ATP2C2: variants seen among roughly 807,000 people sequenced by gnomAD.
The protein encoded by ATP2C2 is calcium-transporting ATPase type 2C member 2.
ATP2C2 carries 171 observed loss-of-function variants against 110.8 expected under a neutral mutation model. The observed-to-expected ratio is 1.54, with a 90% confidence interval of 1.36 to 1.75. The LOEUF is 1.75. ATP2C2 is among the 40% of genes most tolerant of loss of function. The pLI, the probability that ATP2C2 is intolerant of heterozygous loss-of-function variation, is 0.00. For missense variants in ATP2C2, 1,963 were observed against 1,235.0 expected, an observed-to-expected ratio of 1.59 and a Z score of -8.84; for synonymous variants, 804 against 508.4, an observed-to-expected ratio of 1.58 and a Z score of -7.82.
At position 84,422,497 on chromosome 16, in the gene ATP2C2, C is replaced by G. The variant is rs533777907; in HGVS notation, c.732C>G (p.Asn244Lys). 6.2e-7 allele frequency: 1 copy of G among 1,614,152 alleles called. No individual in the cohort carries two copies. The highest frequency in any genetic ancestry group is 1.3e-5 in the African/African-American group (1 of 75,022). ...GTGGGGACCTCACCACCCTCAGCAA[C>G]ATCGTCTTCATGGGGACCCTGGTGC... ...TGGGDLTTLS[N>K]IVFMGTLVQY... The change falls in exon 8 of 27, where the codon AAC becomes AAG. Residue 244 changes from asparagine (N) to lysine (K), a missense_variant. Transcript: ENST00000262429.
chr16:84,371,365 C>G (rs989330910), intron 1 of ATP2C2, among the ~76,000 whole-genome samples: 3 of 152,024 alleles, frequency 2.0e-5, no homozygotes, highest in Non-Finnish European at 4.4e-5. Context: ...AAAAATTAGG[C>G]GTGGTGGTGT....
intron 1 of ATP2C2, among the ~76,000 whole-genome samples, chr16:84,384,085 A>C (rs1904292767): frequency 6.6e-6 from 1 of 152,108 alleles, no homozygotes; most frequent in Non-Finnish European, 1.5e-5. Context: ...CACTGTGCCC[A>C]GCCTATTTTC....
rs541725094 is a variant in ATP2C2, at chr16:84,370,258, G to A, written c.99+1544G>A. Among the ~76,000 whole-genome samples the A allele has an allele frequency of 6.6e-5, 10 of 152,302 alleles. No homozygotes were observed. In the South Asian group the frequency reaches 8.3e-4, roughly 13 times the overall value. On this transcript the variant is annotated intron_variant, in intron 1 of 26. Transcript: ENST00000262429. Reference sequence around the variant, plus strand: ...TCAGAGGTCTGACAGGTGTTCAGCCGGTCTGTCAGTGTGCTCTCCCACCTG... The same window carrying A: ...TCAGAGGTCTGACAGGTGTTCAGCCAGTCTGTCAGTGTGCTCTCCCACCTG...
intron 6 of ATP2C2, among the ~76,000 whole-genome samples, chr16:84,411,780 T>G (rs376576866): frequency 6.6e-6 from 1 of 152,196 alleles, no homozygotes; most frequent in Non-Finnish European, 1.5e-5. Context: ...TTTTAATTTT[T>G]ATTTAAATAT....
At chr16:84,374,637 G>C (rs1313207314) in intron 1 of ATP2C2, among the ~76,000 whole-genome samples, 1 of 152,048 alleles carries the variant, frequency 6.6e-6, no homozygotes, top group Non-Finnish European at 1.5e-5. Flanking sequence ...TTGCTGCTTG[G>C]TGGCCATCAT....
In ATP2C2 at chr16:84,444,185, CAAA is replaced by C. The variant is rs1257846309; in HGVS notation, c.1401+1589_1401+1591del. On this transcript the variant is annotated intron_variant, in intron 15 of 26. Coordinates refer to ENST00000262429, the MANE Select transcript of ATP2C2 (RefSeq NM_014861.4). ...CTCAAAAAAAAAAAAAAAAAAAAAA[CAAA>C]AAGATTGGGCACAGTGGCTCACACC... Among the ~76,000 whole-genome samples, 67 of 113,422 alleles carry C rather than the reference CAAA, an allele frequency of 5.9e-4. 1 individual carries two copies. The highest frequency in any genetic ancestry group is 1.1e-3 in the South Asian group (4 of 3,518). The allele number at this position is 113,422 out of a possible 152,430, so 74.4% of individuals were successfully genotyped here.
intron 15 of ATP2C2, among the ~76,000 whole-genome samples, chr16:84,446,102 G>A (rs1183768587): frequency 1.3e-5 from 2 of 151,780 alleles, no homozygotes; most frequent in Non-Finnish European, 2.9e-5. Flanking sequence ...TCAGATAGAA[G>A]CTGTTGCAAA....
intron 1 of ATP2C2, among the ~76,000 whole-genome samples, chr16:84,379,638 GT>G (rs1190767732): frequency 2.0e-5 from 3 of 152,190 alleles, no homozygotes; most frequent in Non-Finnish European, 4.4e-5. Context: ...TCGCCGGGGG[GT>G]TCTGAGGCTC....
intron 15 of ATP2C2, among the ~76,000 whole-genome samples, 153 bp downstream of exon 15, chr16:84,442,752 TG>T (rs1375760969): frequency 6.6e-6 from 1 of 151,848 alleles, no homozygotes; most frequent in Non-Finnish European, 1.5e-5. Context: ...CATCTGTTGG[TG>T]GTGGAGGAGG....
chr16:84,446,242 G>C, intron 15 of ATP2C2, 87 bp from the exon 16 acceptor site: 2 of 708,466 alleles, frequency 2.8e-6, no homozygotes, highest in South Asian at 6.8e-5. Context: ...GAGGTGGTTT[G>C]AACAATGAAT....
chr16:84,377,772 G>A (rs1910334062), intron 1 of ATP2C2, among the ~76,000 whole-genome samples: 1 of 152,114 alleles, frequency 6.6e-6, no homozygotes, highest in African/African-American at 2.4e-5. Context: ...CATGTTCTGT[G>A]TAGAAATTGA....
Position 84,439,257 on chromosome 16 carries a change from A to T in ATP2C2, c.1078A>T (p.Ile360Phe). The T allele has an allele frequency of 6.2e-7, 1 of 1,612,560 alleles. No homozygotes were observed. The highest frequency in any genetic ancestry group is 2.2e-5 in the East Asian group (1 of 44,878). The change falls in exon 12 of 27, where the codon ATC becomes TTC. Residue 360 changes from isoleucine (I) to phenylalanine (F), a missense_variant. Physicochemically the swap from Ile to Phe is conservative, Grantham distance 21. Coordinates refer to ENST00000262429, the MANE Select transcript of ATP2C2 (RefSeq NM_014861.4). ...GVLRMAKKRV[I>F]VKKLPIVETL... ...GCTGCGGATGGCCAAGAAGCGGGTC[A>T]TCGTGAAGAAGTTACCCATCGTGGA...
intron 23 of ATP2C2, 164 bp from the exon 24 acceptor site, chr16:84,460,490 G>A (rs748947851): frequency 3.3e-5 from 31 of 927,826 alleles, no homozygotes; most frequent in Non-Finnish European, 5.0e-5. Context: ...TGGGGCTTCT[G>A]GAAGGTGCCG....
rs539973646 is a variant in ATP2C2 at position 84,426,649 on chromosome 16, AAAG to A, written c.986+849_986+851del. Among the ~76,000 whole-genome samples the A allele has an allele frequency of 4.6e-3, 694 of 152,258 alleles. 3 individuals are homozygous for A. The highest frequency in any genetic ancestry group is 0.016 in the African/African-American group (651 of 41,536). On this transcript the variant is annotated intron_variant, in intron 11 of 26. Coordinates refer to ENST00000262429, the MANE Select transcript of ATP2C2 (RefSeq NM_014861.4). ...CTCTCCTAGGGCGACTGTCTGGATT[AAAG>A]GAGTTAGTCTGTGCAAGCACCCACA...
Position 84,461,741 on chromosome 16 carries a change from C to A in ATP2C2, c.2509C>A (p.Arg837Ser). 3 of 1,614,198 alleles carry A rather than the reference C, an allele frequency of 1.9e-6. No individual in the cohort carries two copies. The highest frequency in any genetic ancestry group is 1.7e-5 in the Admixed American group (1 of 60,024). Reference protein sequence around the residue: ...EMPEDRASTPRTTTMTFTCFV... With the variant: ...EMPEDRASTPSTTTMTFTCFV... ...GCCTGAAGACAGAGCAAGCACTCCCCGCACCACGACGATGACGTTCACTTG... is the reference window on the plus strand; with the variant it reads ...GCCTGAAGACAGAGCAAGCACTCCCAGCACCACGACGATGACGTTCACTTG... The change falls in exon 25 of 27, where the codon CGC becomes AGC. Residue 837 changes from arginine to serine, a missense_variant. Coordinates refer to ENST00000262429, the MANE Select transcript of ATP2C2 (RefSeq NM_014861.4).
At chr16:84,404,564 G>A (rs1597773607) in intron 2 of ATP2C2, 1 of 212,044 alleles carries the variant, frequency 4.7e-6, no homozygotes, top group East Asian at 1.2e-4. Context: ...ATTTCATTGT[G>A]TGTGTACACC....
At chr16:84,459,798 G>A in intron 23 of ATP2C2, 1 of 528,586 alleles carries the variant, frequency 1.9e-6, no homozygotes, top group Non-Finnish European at 3.4e-6. Flanking sequence ...GGATCTGATT[G>A]TGATCTGTCT....
At chr16:84,439,778 T>C (rs1449529714) in intron 13 of ATP2C2, among the ~76,000 whole-genome samples, 1 of 152,230 alleles carries the variant, frequency 6.6e-6, no homozygotes, top group Non-Finnish European at 1.5e-5. Context: ...ATTTAAAAGC[T>C]AGAAAAAATC....
chr16:84,439,448 C>T lies in ATP2C2; in HGVS notation c.1133C>T (p.Ser378Phe). 6.2e-7 allele frequency: 1 copy of T among 1,614,144 alleles called. No homozygotes were observed. The highest frequency in any genetic ancestry group is 1.1e-5 in the South Asian group (1 of 91,082). The change falls in exon 13 of 27, where the codon TCT (serine) becomes TTT (phenylalanine). Residue 378 changes from serine (S) to phenylalanine (F), a missense_variant. Transcript: ENST00000262429. ...CCAGGTTGCTGCAGCGTTCTCTGTT[C>T]TGACAAGACGGGGACTCTGACTGCC... ...ETLGCCSVLC[S>F]DKTGTLTANE...
Sources: gnomAD v4.1 joint callset for allele counts (sites outside exome capture counted in the v4.1 genomes callset) on GRCh38, gnomAD v4.1.1 for gene constraint, MANE v1.5 for transcripts, NCBI Gene and HGNC (gene_info 2026-07-23, HGNC 2026-07-21) for gene names.